The following GRM5 variants were observed in gnomAD, a reference collection of about 807,000 sequenced individuals.
GRM5 encodes the protein metabotropic glutamate receptor 5.
Under a neutral mutation model 83.1 loss-of-function variants are expected in GRM5, and 19 were observed. The ratio of observed to expected loss-of-function variants is 0.23; its 90% CI spans 0.16 to 0.34. The LOEUF is 0.34. GRM5 is among the 10% of genes least tolerant of loss of function. The pLI, the probability that GRM5 is intolerant of heterozygous loss-of-function variation, is 1.00. For synonymous variants in GRM5, 675 were observed against 633.6 expected, an observed-to-expected ratio of 1.07 and a Z score of -0.98; for missense variants, 1,160 against 1,588.3, an observed-to-expected ratio of 0.73 and a Z score of 4.58.
intron 3 of GRM5, among the ~76,000 whole-genome samples, chr11:88,773,689 C>T (rs2135452796): frequency 6.6e-6 from 1 of 152,272 alleles, no homozygotes; most frequent in South Asian, 2.1e-4. Flanking sequence ...GCTTTCCCAG[C>T]ACCATTTATT....
intron 2 of GRM5, among the ~76,000 whole-genome samples, chr11:88,853,068 C>G (rs1005978011): frequency 7.9e-5 from 12 of 152,084 alleles, no homozygotes; most frequent in African/African-American, 2.9e-4. Flanking sequence ...TAACATGTGA[C>G]TTCATTTTAA....
chr11:88,871,969 A>G (rs1417596820), intron 2 of GRM5, among the ~76,000 whole-genome samples: 1 of 151,548 alleles, frequency 6.6e-6, no homozygotes, highest in Non-Finnish European at 1.5e-5. Context: ...AATAAATGTT[A>G]GGAAAAAAAA....
In GRM5 at chr11:89,048,074, TG is replaced by T; in HGVS notation, c.-200-3del. Reference sequence around the variant, plus strand: ...CCATGTGGTCATGATCTTCTAAACCTGAAAAAAAAAAAATAACATGGGTCTT... The same window carrying T: ...CCATGTGGTCATGATCTTCTAAACCTAAAAAAAAAAAATAACATGGGTCTT... On this transcript the variant is annotated splice_polypyrimidine_tract_variant and splice_region_variant and intron_variant, in intron 1 of 9. Coordinates refer to ENST00000305447, the MANE Select transcript of GRM5 (RefSeq NM_001143831.3). 1 of 507,668 alleles carries T rather than the reference TG, an allele frequency of 2.0e-6. No individual in the cohort carries two copies. The highest frequency in any genetic ancestry group is 2.9e-5 in the South Asian group (1 of 34,688). 31.4% of individuals were successfully genotyped at this position (507,668 alleles called of 1,614,324 possible). A position where few individuals can be genotyped will look rare whatever the true frequency, so the allele number is the denominator to read the frequency against.
intron 2 of GRM5, among the ~76,000 whole-genome samples, chr11:88,910,492 T>C (rs573526609): frequency 6.6e-6 from 1 of 152,254 alleles, no homozygotes; most frequent in African/African-American, 2.4e-5. Context: ...TAACTGTTTG[T>C]GGAACCACCA....
chr11:88,668,318 C>T (rs1308726312), intron 3 of GRM5, among the ~76,000 whole-genome samples: 1 of 151,086 alleles, frequency 6.6e-6, no homozygotes, highest in Admixed American at 6.6e-5. Flanking sequence ...CACACACACA[C>T]ACACACACAC....
chr11:88,693,165 A>C (rs781563060), intron 3 of GRM5, among the ~76,000 whole-genome samples: 6 of 150,308 alleles, frequency 4.0e-5, no homozygotes, highest in East Asian at 2.0e-4. Flanking sequence ...CAATTCAATT[A>C]AACACATGTG....
At chr11:88,632,399 A>G (rs1199898254) in intron 4 of GRM5, among the ~76,000 whole-genome samples, 1 of 151,764 alleles carries the variant, frequency 6.6e-6, no homozygotes, top group Non-Finnish European at 1.5e-5. Context: ...CACCTGGCCA[A>G]TGTTTCTATT....
At chr11:88,956,379 T>A (rs1250004949) in intron 2 of GRM5, among the ~76,000 whole-genome samples, 1 of 152,204 alleles carries the variant, frequency 6.6e-6, no homozygotes, top group African/African-American at 2.4e-5. Flanking sequence ...TATTCACTTA[T>A]TCAAGAAATA....
At chr11:88,642,254 C>A (rs747605487) in intron 4 of GRM5, among the ~76,000 whole-genome samples, 3 of 152,092 alleles carry the variant, frequency 2.0e-5, no homozygotes, top group Non-Finnish European at 2.9e-5. Flanking sequence ...GCTTGAGTGG[C>A]CTGGATGTGG....
At chr11:88,663,353 C>T (rs1273488087) in intron 3 of GRM5, among the ~76,000 whole-genome samples, 1 of 152,114 alleles carries the variant, frequency 6.6e-6, no homozygotes, top group Non-Finnish European at 1.5e-5. Flanking sequence ...CATATGCATG[C>T]TTTAAATAGG....
chr11:88,611,553 G>T (rs1265240392), intron 4 of GRM5, among the ~76,000 whole-genome samples: 2 of 152,166 alleles, frequency 1.3e-5, no homozygotes, highest in African/African-American at 4.8e-5. Flanking sequence ...CGTGGGGTCA[G>T]TTGTAATGTC....
intron 2 of GRM5, among the ~76,000 whole-genome samples, chr11:88,997,577 A>G (rs1940229387): frequency 6.6e-6 from 1 of 152,088 alleles, no homozygotes. Context: ...GAGAGAGGAC[A>G]TGAATTCATG....
rs148907712 is a variant in GRM5, at chr11:88,690,675, C to T, written c.912-37272G>A. 6.4e-4 allele frequency among the ~76,000 whole-genome samples: 97 copies of T among 152,184 alleles called. No homozygotes were observed. In the East Asian group the frequency reaches 0.017, roughly 26 times the overall value. On this transcript the variant is annotated intron_variant, in intron 3 of 9. Coordinates refer to ENST00000305447, the MANE Select transcript of GRM5 (RefSeq NM_001143831.3). ...CCTCAAATGAATGACAAGGTCCCTC[C>T]CCTCGAGGATTTGTCACTTCAGTCA...
chr11:88,859,384 T>C (rs998340413), intron 2 of GRM5, among the ~76,000 whole-genome samples: 12 of 144,624 alleles, frequency 8.3e-5, no homozygotes, highest in Non-Finnish European at 1.8e-4. Context: ...GAATACAGGA[T>C]TTTTTTATAA....
intron 2 of GRM5, among the ~76,000 whole-genome samples, chr11:88,944,616 C>T (rs1157701398): frequency 2.0e-5 from 3 of 151,580 alleles, no homozygotes; most frequent in African/African-American, 7.3e-5. Context: ...TCCAGATAAC[C>T]TGTTTTTTTA....
chr11:88,888,652 G>C (rs555226794), intron 2 of GRM5, among the ~76,000 whole-genome samples: 1 of 152,218 alleles, frequency 6.6e-6, no homozygotes, highest in East Asian at 1.9e-4. Flanking sequence ...TGGGTTTTTG[G>C]CTTCTCTATC....
intron 3 of GRM5, among the ~76,000 whole-genome samples, chr11:88,799,426 G>C (rs1156737549): frequency 1.3e-5 from 2 of 151,970 alleles, no homozygotes; most frequent in Non-Finnish European, 2.9e-5. Flanking sequence ...AAGAGAATTA[G>C]GCACATTATT....
At chr11:88,836,686 T>C (rs1460171518) in intron 3 of GRM5, among the ~76,000 whole-genome samples, 1 of 152,084 alleles carries the variant, frequency 6.6e-6, no homozygotes, top group East Asian at 1.9e-4. Flanking sequence ...TCACAGCTAC[T>C]TGGGAGGCTA....
chr11:88,768,528 G>A (rs1384983764), intron 3 of GRM5, among the ~76,000 whole-genome samples: 1 of 151,724 alleles, frequency 6.6e-6, no homozygotes, highest in Non-Finnish European at 1.5e-5. Context: ...ATGGTGGTAA[G>A]GTTTGCACAA....
Sources: allele counts gnomAD v4.1 joint callset (sites outside exome capture counted in the v4.1 genomes callset), GRCh38; gene constraint gnomAD v4.1.1; transcripts MANE v1.5; gene names NCBI Gene and HGNC (gene_info 2026-07-23, HGNC 2026-07-21).